FAM135A: variants seen among roughly 807,000 people sequenced by gnomAD.
FAM135A encodes family with sequence similarity 135 member A.
In FAM135A, 79 loss-of-function variants were observed where a neutral mutation model predicts 146.8. The ratio of observed to expected loss-of-function variants is 0.54; its 90% CI spans 0.45 to 0.65. The LOEUF is 0.65. Ranked by LOEUF, FAM135A falls within the 30% of genes least tolerant of loss-of-function variation. FAM135A has a pLI of 0.00. For synonymous variants in FAM135A, 562 were observed against 603.6 expected (o/e 0.93, Z 1.01); for missense variants, 1,623 against 1,758.2 (o/e 0.92, Z 1.38).
intron 16 of FAM135A, among the ~76,000 whole-genome samples, chr6:70,530,058 C>T (rs1281122252): frequency 6.8e-6 from 1 of 147,452 alleles, no homozygotes; most frequent in Non-Finnish European, 1.5e-5. Flanking sequence ...ACTAAGACTA[C>T]GTCTCAAAAA....
At chr6:70,460,050 A>G (rs953014099) in intron 5 of FAM135A, among the ~76,000 whole-genome samples, 3 of 152,184 alleles carry the variant, frequency 2.0e-5, no homozygotes, top group Non-Finnish European at 2.9e-5. Context: ...ACAAAGATGA[A>G]TTAGCCCAGA....
At chr6:70,469,454 A>T (rs139058490) in intron 5 of FAM135A, among the ~76,000 whole-genome samples, 1 of 152,224 alleles carries the variant, frequency 6.6e-6, no homozygotes, top group Non-Finnish European at 1.5e-5. Flanking sequence ...CTGATTTTGT[A>T]TACAACTTCT....
Position 70,464,658 on chromosome 6 carries a change from C to CTTTTTTTTTTTTT in FAM135A, c.158-10744_158-10743insTTTTTTTTTTTTT, listed in dbSNP as rs754818109. Among the ~76,000 whole-genome samples the CTTTTTTTTTTTTT allele has an allele frequency of 7.2e-4, 72 of 100,416 alleles. 5 individuals are homozygous for CTTTTTTTTTTTTT. The highest frequency in any genetic ancestry group is 2.4e-3 in the African/African-American group (63 of 26,680). The allele number at this position is 100,416 out of a possible 152,430, so 65.9% of individuals were successfully genotyped here. A position where few individuals can be genotyped will look rare whatever the true frequency, so the allele number is the denominator to read the frequency against. On this transcript the variant is annotated intron_variant, in intron 5 of 21. Coordinates refer to ENST00000418814, the MANE Select transcript of FAM135A (RefSeq NM_001162529.3). Reference sequence around the variant, plus strand: ...TTTAAATTTCTTTCTTTCTTTCTTTCTTTTTTTTCTTTTTTTTTTTTTTTT... The same window carrying CTTTTTTTTTTTTT: ...TTTAAATTTCTTTCTTTCTTTCTTTCTTTTTTTTTTTTTTTTTTTTTCTTTTTTTTTTTTTTTT...
chr6:70,471,991 A>G (rs912345512), intron 5 of FAM135A, among the ~76,000 whole-genome samples: 1 of 152,144 alleles, frequency 6.6e-6, no homozygotes, highest in Non-Finnish European at 1.5e-5. Flanking sequence ...AAGGCTTCCC[A>G]GGGTTTATAG....
At position 70,552,033 on chromosome 6, in the gene FAM135A, A is replaced by G. The variant is rs140943773; in HGVS notation, c.4229-4717A>G. Reference sequence around the variant, plus strand: ...CCACCTTCAATTTGTAAAAAACATAATATCTGCAGAGCACAGTAAAGCAAA... The same window carrying G: ...CCACCTTCAATTTGTAAAAAACATAGTATCTGCAGAGCACAGTAAAGCAAA... On this transcript the variant is annotated intron_variant, in intron 20 of 21. Transcript: ENST00000418814. Among the ~76,000 whole-genome samples the G allele has an allele frequency of 5.6e-3, 857 of 152,332 alleles. 3 individuals are homozygous for G. The highest frequency in any genetic ancestry group is 8.2e-3 in the Non-Finnish European group (557 of 68,022).
At chr6:70,443,563 CTGT>C (rs140048309) in intron 4 of FAM135A, among the ~76,000 whole-genome samples, 2 of 152,248 alleles carry the variant, frequency 1.3e-5, no homozygotes, top group East Asian at 3.9e-4. Flanking sequence ...GAATGTATTC[CTGT>C]TGTTGAATGA....
intron 5 of FAM135A, among the ~76,000 whole-genome samples, chr6:70,473,236 G>T (rs1781960421): frequency 6.6e-6 from 1 of 152,040 alleles, no homozygotes; most frequent in Non-Finnish European, 1.5e-5. Flanking sequence ...TAAAAAAGAT[G>T]GTCCAGATTT....
chr6:70,559,036 T>G (rs1438130139), intron 21 of FAM135A, among the ~76,000 whole-genome samples: 1 of 152,250 alleles, frequency 6.6e-6, no homozygotes, highest in East Asian at 1.9e-4. Flanking sequence ...TTTTGCCTTA[T>G]CAAAATGTCT....
At chr6:70,510,935 A>G (rs1175893781) in intron 12 of FAM135A, among the ~76,000 whole-genome samples, 3 of 151,974 alleles carry the variant, frequency 2.0e-5, no homozygotes, top group African/African-American at 7.2e-5. Context: ...CACTTGTTAT[A>G]TTCTGCTTTT....
intron 20 of FAM135A, among the ~76,000 whole-genome samples, chr6:70,542,341 CACCTCATGTGTTTTTGTATCATGTGTT>C (rs1798089870): frequency 6.6e-6 from 1 of 151,838 alleles, no homozygotes; most frequent in African/African-American, 2.4e-5. Flanking sequence ...CTTTTTGTAT[CACCTCATGTGTTTTTGTATCATGTGTT>C]TTTGTATCAC....
chr6:70,511,185 T>G (rs1790923094), intron 12 of FAM135A, among the ~76,000 whole-genome samples: 1 of 152,004 alleles, frequency 6.6e-6, no homozygotes, highest in Non-Finnish European at 1.5e-5. Flanking sequence ...ACTAGGCCCT[T>G]ATCTGATACA....
chr6:70,509,779 G>C (rs1790585773), intron 12 of FAM135A, among the ~76,000 whole-genome samples: 1 of 152,122 alleles, frequency 6.6e-6, no homozygotes, highest in Non-Finnish European at 1.5e-5. Context: ...GTACATGGTA[G>C]TGACTGGATG....
chr6:70,452,525 A>G lies in FAM135A; in HGVS notation c.111A>G (p.Pro37=). The G allele has an allele frequency of 1.9e-6, 3 of 1,597,806 alleles. No homozygotes were observed. The highest frequency in any genetic ancestry group is 1.4e-5 in the African/African-American group (1 of 74,002). ...AGATTCGTGCTTCTATGAAAATTCC[A>G]TCAAGAATTCCCCACAGAGTAGAAG... ...FYQIRASMKI[P]SRIPHRVEAS... The change falls in exon 5 of 22, where the codon CCA becomes CCG. Residue 37 remains proline, a synonymous_variant. Transcript: ENST00000418814.
intron 5 of FAM135A, among the ~76,000 whole-genome samples, chr6:70,468,312 G>A (rs1780862951): frequency 6.6e-6 from 1 of 152,192 alleles, no homozygotes. Context: ...CAGTGTCTCT[G>A]TCTAGAACAT....
intron 20 of FAM135A, among the ~76,000 whole-genome samples, chr6:70,540,246 GTGA>G (rs1797629892): frequency 6.7e-6 from 1 of 150,356 alleles, no homozygotes; most frequent in South Asian, 2.1e-4. Flanking sequence ...TTCTGTTACT[GTGA>G]TGTCTTATCC....
intron 5 of FAM135A, among the ~76,000 whole-genome samples, chr6:70,461,026 G>A (rs1479074517): frequency 2.0e-5 from 3 of 151,820 alleles, no homozygotes; most frequent in Non-Finnish European, 4.4e-5. Flanking sequence ...GTTTCATCAG[G>A]TTGGCCAGGC....
At chr6:70,433,335 A>G (rs1448865599) in intron 4 of FAM135A, among the ~76,000 whole-genome samples, 1 of 152,086 alleles carries the variant, frequency 6.6e-6, no homozygotes, top group Non-Finnish European at 1.5e-5. Context: ...CGGCGTCCCA[A>G]AGTGCTGGGA....
chr6:70,527,509 T>G (rs549820397), intron 15 of FAM135A, among the ~76,000 whole-genome samples: 1 of 152,138 alleles, frequency 6.6e-6, no homozygotes, highest in African/African-American at 2.4e-5. Flanking sequence ...AAATAAAGTT[T>G]ATATCACCGT....
intron 12 of FAM135A, 144 bp downstream of exon 12, chr6:70,502,935 C>A: frequency 2.5e-6 from 2 of 802,008 alleles, no homozygotes; most frequent in Non-Finnish European, 1.9e-6. Context: ...GTTTGACTTC[C>A]AAAATTAATA....
Sources: gnomAD v4.1 joint callset for allele counts (sites outside exome capture counted in the v4.1 genomes callset) on GRCh38, gnomAD v4.1.1 for gene constraint, MANE v1.5 for transcripts, NCBI Gene and HGNC (gene_info 2026-07-23, HGNC 2026-07-21) for gene names.